The following PCDHA12 variants were observed in gnomAD, a reference collection of about 807,000 sequenced individuals.
PCDHA12 encodes protocadherin alpha-12.
A neutral mutation model predicts 60.0 loss-of-function variants in PCDHA12; 44 were observed. The observed-to-expected ratio is 0.73, with a 90% confidence interval of 0.58 to 0.94. The LOEUF (loss-of-function observed/expected upper bound fraction) is 0.94. Among genes scored for constraint, PCDHA12 ranks in the 40% least tolerant of loss-of-function variants. The pLI is 0.00. For missense variants in PCDHA12, 1,276 were observed against 1,239.7 expected (o/e 1.03, Z -0.44); for synonymous variants, 569 against 553.0 (o/e 1.03, Z -0.40).
Position 140,877,166 on chromosome 5 carries a change from T to C in PCDHA12, c.1694T>C (p.Leu565Pro). The change falls in exon 1 of 4, where the codon CTG becomes CCG. Residue 565 changes from leucine (L) to proline (P), a missense_variant. Leu to Pro is a moderately conservative substitution (Grantham distance 98, BLOSUM62 -3). Coordinates refer to ENST00000398631, the MANE Select transcript of PCDHA12 (RefSeq NM_018903.4). ...VLDENDNAPA[L>P]LATPAGSAGG... is the part of the protein sequence containing the mutation. ...GACGAGAACGACAACGCGCCGGCAC[T>C]GCTGGCGACTCCGGCTGGCAGCGCA... 3 of 1,613,836 alleles carry C rather than the reference T, an allele frequency of 1.9e-6. No homozygotes were observed. Among genetic ancestry groups the C allele is most frequent in the Non-Finnish European group, 2.5e-6 (3 of 1,179,840 alleles).
chr5:141,009,174 G>A (rs1281128951), intron 3 of PCDHA12, among the ~76,000 whole-genome samples: 1 of 152,228 alleles, frequency 6.6e-6, no homozygotes, highest in African/African-American at 2.4e-5. Flanking sequence ...ACTGGCCTTG[G>A]CTGGGTGTGG....
At chr5:140,928,641 G>A in intron 1 of PCDHA12, 1 of 1,614,196 alleles carries the variant, frequency 6.2e-7, no homozygotes, top group Non-Finnish European at 8.5e-7. Context: ...TCACAAAAGT[G>A]GTAGCAGAGG....
chr5:140,876,127 A>G lies in PCDHA12; in HGVS notation c.655A>G (p.Lys219Glu), dbSNP rs782626047. 2.5e-6 allele frequency: 4 copies of G among 1,613,984 alleles called. No homozygotes were observed. The South Asian group carries it at 3.3e-5, about 13-fold the overall frequency. ...ATTGCTGATGGTAATCGATGGCGGTAAACCAGAACTAACAGGGTCTGTCCA... is the reference window on the plus strand; with the variant it reads ...ATTGCTGATGGTAATCGATGGCGGTGAACCAGAACTAACAGGGTCTGTCCA... ...NLLLMVIDGG[K>E]PELTGSVQIQ... is the part of the protein sequence containing the mutation. Residue 219 changes from lysine (K) to glutamate (E), a missense_variant, in exon 1 of 4, where the codon AAA (lysine) becomes GAA (glutamate). Coordinates refer to ENST00000398631, the MANE Select transcript of PCDHA12 (RefSeq NM_018903.4).
At chr5:140,969,598 T>C in intron 1 of PCDHA12, 1 of 790,872 alleles carries the variant, frequency 1.3e-6, no homozygotes, top group Non-Finnish European at 1.9e-6. Context: ...TAATATTTAA[T>C]GCTAAAACAC....
intron 1 of PCDHA12, among the ~76,000 whole-genome samples, chr5:140,914,813 C>T (rs1346638828): frequency 6.6e-6 from 1 of 152,070 alleles, no homozygotes; most frequent in Non-Finnish European, 1.5e-5. Flanking sequence ...GGCAACTTAA[C>T]AGACTGCATA....
At chr5:140,898,099 A>C (rs1469393554) in intron 1 of PCDHA12, among the ~76,000 whole-genome samples, 2 of 152,168 alleles carry the variant, frequency 1.3e-5, no homozygotes, top group African/African-American at 4.8e-5. Flanking sequence ...GCCCTTTGTC[A>C]GATGAGTAGG....
chr5:140,968,124 G>A (rs202202452), intron 1 of PCDHA12: 59 of 1,614,008 alleles, frequency 3.7e-5, no homozygotes, highest in Non-Finnish European at 4.7e-5. Flanking sequence ...ACATCCCTGC[G>A]TACACTGAAG....
chr5:140,936,303 T>C (rs1223461427), intron 1 of PCDHA12, among the ~76,000 whole-genome samples: 3 of 152,236 alleles, frequency 2.0e-5, no homozygotes, highest in South Asian at 2.1e-4. Flanking sequence ...TGCTATCCAA[T>C]AGAACTTTCT....
rs1554168496 is a variant in PCDHA12 at position 140,876,361 on chromosome 5, C to T, written c.889C>T (p.Pro297Ser). 6.2e-7 allele frequency: 1 copy of T among 1,613,880 alleles called. No individual in the cohort carries two copies. ...TGAGAAATGTATGTTTTCAATAAAT[C>T]CAGACACAGGTGAAATTAGAATTTA... ...VSEKCMFSIN[P>S]DTGEIRIYGE... Residue 297 changes from proline to serine, a missense_variant, in exon 1 of 4, where the codon CCA (proline) becomes TCA (serine). Coordinates refer to ENST00000398631, the MANE Select transcript of PCDHA12 (RefSeq NM_018903.4).
chr5:140,909,171 T>C (rs2074353484), intron 1 of PCDHA12, among the ~76,000 whole-genome samples: 1 of 152,208 alleles, frequency 6.6e-6, no homozygotes, highest in Non-Finnish European at 1.5e-5. Flanking sequence ...ATCAATCAAG[T>C]TCTCTCCAAA....
At chr5:140,961,347 T>TTGAGAGACCAA (rs2095606709) in intron 1 of PCDHA12, among the ~76,000 whole-genome samples, 1 of 152,216 alleles carries the variant, frequency 6.6e-6, no homozygotes, top group South Asian at 2.1e-4. Flanking sequence ...AGTGGATCCC[T>TTGAGAGACCAA]GTAGTCCCCA....
rs148631412 is a variant in PCDHA12, at chr5:140,929,183, C to T, written c.2368-49766C>T. On this transcript the variant is annotated intron_variant, in intron 1 of 3. Transcript: ENST00000398631. ...TATCGGGCCTCTCTGGGACTTGGTT[C>T]TGATAATAACAGTTTGCTGTTGCGT... is the stretch of plus-strand genomic sequence containing the variant. 62 of 1,614,144 alleles carry T rather than the reference C, an allele frequency of 3.8e-5. No individual in the cohort carries two copies. The highest frequency in any genetic ancestry group is 4.8e-5 in the Non-Finnish European group (57 of 1,180,012).
At chr5:140,959,524 C>T (rs187530929) in intron 1 of PCDHA12, among the ~76,000 whole-genome samples, 1 of 152,024 alleles carries the variant, frequency 6.6e-6, no homozygotes. Context: ...ATCTTTAAGA[C>T]CATTAATTCA....
At chr5:140,972,990 G>A (rs185555684) in intron 1 of PCDHA12, among the ~76,000 whole-genome samples, 2 of 152,188 alleles carry the variant, frequency 1.3e-5, no homozygotes, top group African/African-American at 4.8e-5. Context: ...GGTAGATTCT[G>A]TGCATTTGTG....
In PCDHA12 at chr5:140,982,542, A is replaced by T; in HGVS notation, c.2494A>T (p.Thr832Ser). 6.2e-7 allele frequency: 1 copy of T among 1,614,210 alleles called. No individual in the cohort carries two copies. Among genetic ancestry groups the T allele is most frequent in the Non-Finnish European group, 8.5e-7 (1 of 1,180,042 alleles). The change falls in exon 3 of 4, where the codon ACA becomes TCA. Residue 832 changes from threonine (T) to serine (S), a missense_variant. Transcript: ENST00000398631. ...AGGAGGGCCTGATCAGCAGTGGCCA[A>T]CAGTATCCAGTGCAACACCAGGTAA... is the stretch of plus-strand genomic sequence containing the variant. The part of the protein sequence containing the change: ...GPGGPDQQWP[T>S]VSSATPEPEA...
At chr5:140,911,518 T>C (rs531265598) in intron 1 of PCDHA12, among the ~76,000 whole-genome samples, 1 of 152,346 alleles carries the variant, frequency 6.6e-6, no homozygotes, top group East Asian at 1.9e-4. Flanking sequence ...TATCTGCTTC[T>C]GAAGCTAGGA....
chr5:140,925,917 A>T (rs1480980894), intron 1 of PCDHA12, among the ~76,000 whole-genome samples: 1 of 151,098 alleles, frequency 6.6e-6, no homozygotes, highest in African/African-American at 2.5e-5. Context: ...CCGTTTGCAA[A>T]GCACTCCCAA....
chr5:140,883,865 T>C, intron 1 of PCDHA12: 2 of 1,613,076 alleles, frequency 1.2e-6, no homozygotes, highest in East Asian at 2.2e-5. Flanking sequence ...GCTGTTGCAG[T>C]TCCAGGTGAG....
Position 140,899,489 on chromosome 5 carries a change from A to G in PCDHA12, c.2367+21650A>G, listed in dbSNP as rs1445369123. 2.0e-5 allele frequency among the ~76,000 whole-genome samples: 3 copies of G among 152,246 alleles called. 1 individual carries two copies. Among genetic ancestry groups the G allele is most frequent in the Non-Finnish European group, 4.4e-5 (3 of 68,052 alleles). On this transcript the variant is annotated intron_variant, in intron 1 of 3. Coordinates refer to ENST00000398631, the MANE Select transcript of PCDHA12 (RefSeq NM_018903.4). ...TTTGGTTCTGTTTATATGCTGGATT[A>G]CATTTATTGATTTGCATATATTGCA...
Sources: gnomAD v4.1 joint callset for allele counts (sites outside exome capture counted in the v4.1 genomes callset) on GRCh38, gnomAD v4.1.1 for gene constraint, MANE v1.5 for transcripts, NCBI Gene and HGNC (gene_info 2026-07-23, HGNC 2026-07-21) for gene names.